The following CNOT10 variants were observed in gnomAD, a reference collection of about 807,000 sequenced individuals.
CNOT10 encodes CCR4-NOT transcription complex, subunit 10.
A neutral mutation model predicts 94.6 loss-of-function variants in CNOT10; 30 were observed. The ratio of observed to expected loss-of-function variants is 0.32; its 90% CI spans 0.24 to 0.43. The LOEUF is 0.43. CNOT10 is among the 20% of genes least tolerant of loss of function. CNOT10 has a pLI of 1.00. For missense variants in CNOT10, 759 were observed against 877.2 expected (o/e 0.87, Z 1.70); for synonymous variants, 289 against 301.6 (o/e 0.96, Z 0.43).
chr3:32,743,142 T>C (rs1449934620), intron 13 of CNOT10, among the ~76,000 whole-genome samples: 1 of 151,876 alleles, frequency 6.6e-6, no homozygotes, highest in African/African-American at 2.4e-5. Flanking sequence ...TACGCCACCA[T>C]GCCCAGCTAA....
chr3:32,724,462 G>C (rs1348818101), intron 8 of CNOT10, among the ~76,000 whole-genome samples: 2 of 149,936 alleles, frequency 1.3e-5, no homozygotes, highest in Non-Finnish European at 3.0e-5. Flanking sequence ...ACTCAGGCTG[G>C]AGTGCAGTGG....
At chr3:32,759,265 T>G (rs192135488) in intron 13 of CNOT10, among the ~76,000 whole-genome samples, 193 bp from the exon 14 acceptor site, 1 of 152,184 alleles carries the variant, frequency 6.6e-6, no homozygotes, top group Non-Finnish European at 1.5e-5. Context: ...AGATGACTTA[T>G]GTAAATAGCC....
intron 14 of CNOT10, among the ~76,000 whole-genome samples, chr3:32,761,469 T>C (rs984238032): frequency 1.3e-5 from 2 of 152,196 alleles, no homozygotes; most frequent in Non-Finnish European, 2.9e-5. Context: ...CTCAACTCAC[T>C]GCAACCTCCA....
intron 10 of CNOT10, 77 bp downstream of exon 10, chr3:32,727,947 A>C (rs542025223): frequency 1.6e-4 from 157 of 1,005,260 alleles, no homozygotes; most frequent in South Asian, 1.3e-3. Flanking sequence ...AAAAAAAAAA[A>C]AACCTTGGAA....
At chr3:32,708,037 G>C (rs6550153) in intron 3 of CNOT10, among the ~76,000 whole-genome samples, 149,933 of 152,018 alleles carry the variant, frequency 0.99, 73,976 homozygotes, top group East Asian at 1. Context: ...AGGCACGTGC[G>C]ACCACACCCA....
chr3:32,735,215 C>T lies in CNOT10; in HGVS notation c.1514+239C>T, dbSNP rs542122076. ...GTAGAAAGTAGCAGCTTTGGCCGGA[C>T]GCAGTGGCTCATGCCTGCCTGTAAA... On this transcript the variant is annotated intron_variant, in intron 12 of 18. Coordinates refer to ENST00000328834, the MANE Select transcript of CNOT10 (RefSeq NM_015442.3). 7.2e-5 allele frequency among the ~76,000 whole-genome samples: 11 copies of T among 152,220 alleles called. No homozygotes were observed. The East Asian group carries it at 1.4e-3, about 19-fold the overall frequency.
intron 3 of CNOT10, among the ~76,000 whole-genome samples, chr3:32,705,581 A>C (rs1379139800): frequency 6.6e-6 from 1 of 152,172 alleles, no homozygotes; most frequent in Non-Finnish European, 1.5e-5. Context: ...AGCCCTATGA[A>C]ATAGCTATAT....
chr3:32,727,694 T>C lies in CNOT10; in HGVS notation c.1039T>C (p.Cys347Arg). Residue 347 changes from cysteine to arginine, a missense_variant, in exon 10 of 19, where the codon TGT (cysteine) becomes CGT (arginine). Cys to Arg is a radical substitution (Grantham distance 180). Coordinates refer to ENST00000328834, the MANE Select transcript of CNOT10 (RefSeq NM_015442.3). Reference protein sequence around the residue: ...PGKKFSGRPMCTLLTNKRYEL... With the variant: ...PGKKFSGRPMRTLLTNKRYEL... ...TAAAAAATTTTCAGGAAGACCCATG[T>C]GTACGTTACTAACCAATAAGAGATA... 1 of 1,613,702 alleles carries C rather than the reference T, an allele frequency of 6.2e-7. No homozygotes were observed. The highest frequency in any genetic ancestry group is 1.3e-5 in the African/African-American group (1 of 75,060).
chr3:32,721,268 G>T (rs1172533993), intron 8 of CNOT10, among the ~76,000 whole-genome samples: 1 of 150,750 alleles, frequency 6.6e-6, no homozygotes, highest in Non-Finnish European at 1.5e-5. Flanking sequence ...TTTCCATGTT[G>T]CCTAGGCTGT....
intron 10 of CNOT10, among the ~76,000 whole-genome samples, chr3:32,728,117 C>T (rs146269235): frequency 0.022 from 3,298 of 151,976 alleles, 50 homozygotes; most frequent in East Asian, 0.047. Context: ...CTGCCTCAGC[C>T]TCCCAAATAG....
intron 7 of CNOT10, 22 bp from the exon 8 acceptor site, chr3:32,720,092 A>G (rs1198538939): frequency 7.9e-7 from 1 of 1,261,738 alleles, no homozygotes; most frequent in South Asian, 1.6e-5. Context: ...AATTATAAGT[A>G]ACTTTTATAT....
chr3:32,690,381 T>G (rs1696797565), intron 1 of CNOT10, among the ~76,000 whole-genome samples: 1 of 151,968 alleles, frequency 6.6e-6, no homozygotes, highest in African/African-American at 2.4e-5. Flanking sequence ...AGTTTTTTGG[T>G]TTTTTTGTTT....
chr3:32,753,453 A>C (rs1575292239), intron 13 of CNOT10: 1 of 1,543,794 alleles, frequency 6.5e-7, no homozygotes, highest in East Asian at 2.3e-5. Flanking sequence ...TTCCTTCTGG[A>C]GAGGATTACA....
chr3:32,756,594 A>G (rs565296897), intron 13 of CNOT10, among the ~76,000 whole-genome samples: 1 of 152,192 alleles, frequency 6.6e-6, no homozygotes, highest in South Asian at 2.1e-4. Flanking sequence ...GGAGCTGGAA[A>G]AGAGTTGGCT....
intron 7 of CNOT10, among the ~76,000 whole-genome samples, chr3:32,718,551 T>TC (rs1698229457): frequency 8.8e-6 from 1 of 113,010 alleles, no homozygotes; most frequent in African/African-American, 3.5e-5. Context: ...GCCACTGCAC[T>TC]CCAGCCTGGG....
At chr3:32,760,926 G>A (rs1237561447) in intron 14 of CNOT10, among the ~76,000 whole-genome samples, 1 of 151,392 alleles carries the variant, frequency 6.6e-6, no homozygotes, top group Non-Finnish European at 1.5e-5. Flanking sequence ...GTCAGGAGTT[G>A]GAGACCAGCC....
intron 8 of CNOT10, among the ~76,000 whole-genome samples, chr3:32,722,922 G>T (rs1698488906): frequency 6.6e-6 from 1 of 152,114 alleles, no homozygotes; most frequent in Non-Finnish European, 1.5e-5. Context: ...ACCGAGCTCA[G>T]TCTAGTTTTC....
chr3:32,734,805 G>C lies in CNOT10; in HGVS notation c.1343G>C (p.Gly448Ala). The C allele has an allele frequency of 6.3e-7, 1 of 1,594,846 alleles. No homozygotes were observed. Among genetic ancestry groups the C allele is most frequent in the Non-Finnish European group, 8.6e-7 (1 of 1,168,510 alleles). ...QSIQNTVYNDGQSSAIPVASM... is the reference protein window; with the variant it reads ...QSIQNTVYNDAQSSAIPVASM... ...TTTGGTTTTGTTCTTTTAAGTGATG[G>C]GCAGTCTTCGGCCATTCCTGTAGCC... Residue 448 changes from glycine to alanine, a missense_variant, in exon 12 of 19, where the codon GGG (glycine) becomes GCG (alanine). By Grantham distance (60) the Gly-to-Ala change is moderately conservative. Transcript: ENST00000328834.
At chr3:32,689,163 GC>G (rs1696750029) in intron 1 of CNOT10, among the ~76,000 whole-genome samples, 1 of 152,042 alleles carries the variant, frequency 6.6e-6, no homozygotes, top group Admixed American at 6.6e-5. Context: ...GACCAGGCTG[GC>G]CAACATGTTG....
Sources: allele counts gnomAD v4.1 joint callset (sites outside exome capture counted in the v4.1 genomes callset), GRCh38; gene constraint gnomAD v4.1.1; transcripts MANE v1.5; gene names NCBI Gene and HGNC (gene_info 2026-07-23, HGNC 2026-07-21).